DGKB: variants seen among roughly 807,000 people sequenced by gnomAD.
DGKB encodes 90 kDa diacylglycerol kinase.
DGKB carries 67 observed loss-of-function variants against 114.3 expected under a neutral mutation model. That is an observed-to-expected ratio of 0.59 (90% CI 0.48 to 0.72). The LOEUF is 0.72. DGKB is among the 30% of genes least tolerant of loss of function. The pLI is 0.00. For missense variants in DGKB, 907 were observed against 975.2 expected (o/e 0.93, Z 0.93); for synonymous variants, 398 against 323.1 (o/e 1.23, Z -2.49).
chr7:14,880,312 G>T (rs1177695573), intron 1 of DGKB, among the ~76,000 whole-genome samples: 1 of 152,092 alleles, frequency 6.6e-6, no homozygotes. Flanking sequence ...ACAAAAATTA[G>T]CCAGGTATGG....
chr7:14,345,037 T>C (rs1412834339), intron 22 of DGKB, among the ~76,000 whole-genome samples: 2 of 151,754 alleles, frequency 1.3e-5, no homozygotes, highest in Non-Finnish European at 3.0e-5. Context: ...CTATGCCCAG[T>C]AACAACTGCA....
chr7:14,342,504 G>A (rs1381262356), intron 22 of DGKB, among the ~76,000 whole-genome samples: 2 of 151,818 alleles, frequency 1.3e-5, no homozygotes, highest in East Asian at 1.9e-4. Context: ...AATAAAGTTA[G>A]AAGATAAATG....
rs749735518 is a variant in DGKB, at chr7:14,736,056, C to G, written c.307G>C (p.Ala103Pro). 5 of 1,599,896 alleles carry G rather than the reference C, an allele frequency of 3.1e-6. No homozygotes were observed. In the African/African-American group the frequency reaches 5.4e-5, roughly 17 times the overall value. Residue 103 changes from alanine (A) to proline (P), a missense_variant, in exon 5 of 26, where the codon GCT becomes CCT. Physicochemically the swap from Ala to Pro is conservative, Grantham distance 27. Coordinates refer to ENST00000402815, the MANE Select transcript of DGKB (RefSeq NM_001350709.2). ...HSSPMVKSKP[A>P]LLSGGLRMNK... ...GTAAACTTACCGCCTGATAGGAGAG[C>G]AGGCTTACTTTTTACCATTGGACTA...
At chr7:14,633,282 C>T (rs1400681589) in intron 13 of DGKB, among the ~76,000 whole-genome samples, 1 of 151,818 alleles carries the variant, frequency 6.6e-6, no homozygotes, top group Non-Finnish European at 1.5e-5. Context: ...GCAGGATCAA[C>T]CAAAACTGAT....
At chr7:14,827,926 T>C (rs1249316188) in intron 2 of DGKB, among the ~76,000 whole-genome samples, 1 of 151,768 alleles carries the variant, frequency 6.6e-6, no homozygotes, top group African/African-American at 2.4e-5. Context: ...AACTCCGAAA[T>C]GAATGTGAAA....
intron 14 of DGKB, among the ~76,000 whole-genome samples, chr7:14,627,958 A>C (rs1324454214): frequency 6.6e-6 from 1 of 151,660 alleles, no homozygotes; most frequent in Non-Finnish European, 1.5e-5. Context: ...AACAAAAAAA[A>C]AAAACAACAA....
At position 14,455,447 on chromosome 7, in the gene DGKB, A is replaced by G. The variant is rs59969528; in HGVS notation, c.1835+22714T>C. Among the ~76,000 whole-genome samples, 1,402 of 152,122 alleles carry G rather than the reference A, an allele frequency of 9.2e-3. 24 individuals are homozygous for G. The highest frequency in any genetic ancestry group is 0.032 in the African/African-American group (1,342 of 41,546). ...AATCTCTTTTTATTTTATCTTGTCAATGTCTTACCATAACATTATTTATGC... is the reference window on the plus strand; with the variant it reads ...AATCTCTTTTTATTTTATCTTGTCAGTGTCTTACCATAACATTATTTATGC... On this transcript the variant is annotated intron_variant, in intron 21 of 25. Transcript: ENST00000402815.
At chr7:14,911,507 C>G (rs571062777) in intron 1 of DGKB, among the ~76,000 whole-genome samples, 1 of 152,238 alleles carries the variant, frequency 6.6e-6, no homozygotes, top group Admixed American at 6.5e-5. Context: ...ATGGCTCCAA[C>G]ACTCAGCTCA....
At chr7:14,955,648 G>A (rs1481265874) in intron 1 of DGKB, among the ~76,000 whole-genome samples, 2 of 152,012 alleles carry the variant, frequency 1.3e-5, no homozygotes, top group Non-Finnish European at 2.9e-5. Flanking sequence ...GGAAGTAGCT[G>A]AAAGAATAGA....
intron 20 of DGKB, among the ~76,000 whole-genome samples, chr7:14,567,799 G>A (rs553448312): frequency 2.0e-5 from 3 of 151,386 alleles, no homozygotes; most frequent in African/African-American, 7.3e-5. Context: ...TAGAGGTGCG[G>A]TTTTACCATG....
At chr7:14,825,574 GAGGCTC>G (rs1218531716) in intron 2 of DGKB, among the ~76,000 whole-genome samples, 1 of 151,732 alleles carries the variant, frequency 6.6e-6, no homozygotes, top group Non-Finnish European at 1.5e-5. Context: ...GACAGGAGGC[GAGGCTC>G]AGGTGGTAAT....
intron 21 of DGKB, among the ~76,000 whole-genome samples, chr7:14,412,788 C>T (rs935805204): frequency 6.6e-6 from 1 of 152,014 alleles, no homozygotes; most frequent in Non-Finnish European, 1.5e-5. Flanking sequence ...TCGAGACCAG[C>T]CTGGCCAACA....
At chr7:14,459,464 A>G (rs1198353963) in intron 21 of DGKB, among the ~76,000 whole-genome samples, 1 of 152,192 alleles carries the variant, frequency 6.6e-6, no homozygotes, top group Non-Finnish European at 1.5e-5. Context: ...ATACGCAAGT[A>G]TCAGTAGTTG....
At chr7:14,562,851 T>G (rs2128675359) in intron 20 of DGKB, among the ~76,000 whole-genome samples, 1 of 152,310 alleles carries the variant, frequency 6.6e-6, no homozygotes, top group South Asian at 2.1e-4. Flanking sequence ...GGGTTAATAC[T>G]TTGGGGGACT....
At chr7:14,914,341 C>T (rs769777613) in intron 1 of DGKB, among the ~76,000 whole-genome samples, 48 of 152,104 alleles carry the variant, frequency 3.2e-4, no homozygotes, top group Non-Finnish European at 3.8e-4. Flanking sequence ...GAAAACTACA[C>T]GCCCAAATAC....
At chr7:14,336,177 A>G (rs1810622851) in intron 23 of DGKB, among the ~76,000 whole-genome samples, 1 of 152,208 alleles carries the variant, frequency 6.6e-6, no homozygotes, top group Non-Finnish European at 1.5e-5. Context: ...TTGAAGAATT[A>G]GCAGAATAAA....
At chr7:14,872,313 G>T (rs1016885898) in intron 1 of DGKB, among the ~76,000 whole-genome samples, 1 of 152,108 alleles carries the variant, frequency 6.6e-6, no homozygotes, top group East Asian at 1.9e-4. Flanking sequence ...ACAAATAAAT[G>T]ATTAAAACAT....
intron 21 of DGKB, among the ~76,000 whole-genome samples, chr7:14,363,511 G>A (rs887495396): frequency 2.6e-5 from 4 of 151,988 alleles, no homozygotes; most frequent in South Asian, 2.1e-4. Flanking sequence ...AGTCCCTGTC[G>A]GAGAAAGCAG....
At chr7:14,852,624 C>G (rs1849565872) in intron 1 of DGKB, among the ~76,000 whole-genome samples, 1 of 151,638 alleles carries the variant, frequency 6.6e-6, no homozygotes, top group Non-Finnish European at 1.5e-5. Context: ...AAAAATTTTC[C>G]TAATACAAAT....
Sources: gnomAD v4.1 joint callset for allele counts (sites outside exome capture counted in the v4.1 genomes callset) on GRCh38, gnomAD v4.1.1 for gene constraint, MANE v1.5 for transcripts, NCBI Gene and HGNC (gene_info 2026-07-23, HGNC 2026-07-21) for gene names.